The following PRMT8 variants were observed in gnomAD, a reference collection of about 807,000 sequenced individuals.
PRMT8 encodes the protein protein arginine methyltransferase 8, also known as protein arginine N-methyltransferase 8.
In PRMT8, 7 loss-of-function variants were observed where a neutral mutation model predicts 47.1. The observed-to-expected ratio is 0.15, with a 90% CI of 0.08 to 0.28. PRMT8 has a LOEUF of 0.28. PRMT8 is among the 10% of genes least tolerant of loss of function. PRMT8 has a pLI of 1.00. For synonymous variants in PRMT8, 188 were observed against 186.5 expected (o/e 1.01, Z -0.07); for missense variants, 237 against 505.4 (o/e 0.47, Z 5.09).
intron 6 of PRMT8, among the ~76,000 whole-genome samples, chr12:3,574,746 T>C (rs1866908267): frequency 6.6e-6 from 1 of 152,210 alleles, no homozygotes; most frequent in African/African-American, 2.4e-5. Context: ...GTGCCTAAGA[T>C]TACACAGCAA....
At chr12:3,490,717 GAGAA>G (rs1453121870), upstream of PRMT8, among the ~76,000 whole-genome samples, 3 of 131,640 alleles carry the variant, frequency 2.3e-5, no homozygotes, top group Non-Finnish European at 5.0e-5. Flanking sequence ...GAGAGAGAGA[GAGAA>G]AAGGATAAAG....
rs759745183 is a variant in PRMT8 at position 3,592,322 on chromosome 12, C to A, written c.1071C>A (p.Thr357=). 21 of 1,598,894 alleles carry A rather than the reference C, an allele frequency of 1.3e-5. No homozygotes were observed. The highest frequency in any genetic ancestry group is 1.8e-5 in the Non-Finnish European group (21 of 1,173,862). The change falls in exon 9 of 10, where the codon ACC becomes ACA. Residue 357 remains threonine (T), a synonymous_variant. Coordinates refer to ENST00000382622, the MANE Select transcript of PRMT8 (RefSeq NM_019854.5). ...TVRRGEEIYG[T]ISMKPNAKNV... ...GGAGGGGGGAGGAAATCTACGGGAC[C>A]ATATCCATGAAGCCAAATGCCAAAA... is the stretch of plus-strand genomic sequence containing the variant.
chr12:3,520,188 A>G (rs1325207244), intron 1 of PRMT8, among the ~76,000 whole-genome samples: 1 of 152,212 alleles, frequency 6.6e-6, no homozygotes, highest in Non-Finnish European at 1.5e-5. Context: ...TTGCTGGGTC[A>G]CCAGAAGGGG....
At chr12:3,528,148 G>A (rs1370178847) in intron 1 of PRMT8, among the ~76,000 whole-genome samples, 2 of 152,024 alleles carry the variant, frequency 1.3e-5, no homozygotes, top group East Asian at 1.9e-4. Context: ...ACTCCCTCAC[G>A]ATTCTTGTGT....
At chr12:3,534,647 A>G (rs1369839825) in intron 1 of PRMT8, among the ~76,000 whole-genome samples, 4 of 151,808 alleles carry the variant, frequency 2.6e-5, no homozygotes, top group South Asian at 4.2e-4. Flanking sequence ...GCCTGTGCCT[A>G]CCTCCACTGA....
chr12:3,461,826 C>G lies in PRMT8; in HGVS notation c.49-78780C>G, dbSNP rs190162617. Among the ~76,000 whole-genome samples the G allele has an allele frequency of 1.8e-4, 28 of 152,216 alleles. No individual in the cohort carries two copies. The East Asian group carries it at 5.4e-3, about 29-fold the overall frequency. On this transcript the variant is annotated intron_variant, in intron 1 of 9. Transcript: ENST00000452611. The stretch of plus-strand genomic sequence containing the variant: ...GACAACTGCCTGAAAGACTCTGTCC[C>G]AGATACCCTTGGCTGTGAGCTTCCT...
chr12:3,408,774 G>C (rs577290835), intron 1 of PRMT8, among the ~76,000 whole-genome samples: 1 of 152,316 alleles, frequency 6.6e-6, no homozygotes, highest in South Asian at 2.1e-4. Flanking sequence ...TGGGCAGGCT[G>C]TGGTGGCTCT....
chr12:3,507,118 CTTTTTTTTTTT>C (rs72188443), intron 1 of PRMT8, among the ~76,000 whole-genome samples: 1 of 122,572 alleles, frequency 8.2e-6, no homozygotes, highest in Admixed American at 8.2e-5. Context: ...GGTGGCCTTT[CTTTTTTTTTTT>C]TTTTTTTTTT....
At chr12:3,560,520 T>C (rs1030444045) in intron 4 of PRMT8, among the ~76,000 whole-genome samples, 1 of 152,206 alleles carries the variant, frequency 6.6e-6, no homozygotes, top group Non-Finnish European at 1.5e-5. Context: ...CCCCATCTGA[T>C]GAGGAAACCA....
intron 1 of PRMT8, among the ~76,000 whole-genome samples, chr12:3,415,667 G>A (rs1864476076): frequency 6.6e-6 from 1 of 152,216 alleles, no homozygotes; most frequent in African/African-American, 2.4e-5. Flanking sequence ...GAGACCCATA[G>A]AACAGTGGAG....
intron 1 of PRMT8, among the ~76,000 whole-genome samples, chr12:3,533,508 C>A (rs1270946710): frequency 6.6e-6 from 1 of 152,232 alleles, no homozygotes; most frequent in Non-Finnish European, 1.5e-5. Context: ...TGGCCCAAGA[C>A]CATTCTTCTT....
At chr12:3,412,813 C>A (rs548142937) in intron 1 of PRMT8, among the ~76,000 whole-genome samples, 54 of 152,262 alleles carry the variant, frequency 3.5e-4, no homozygotes, top group Non-Finnish European at 3.5e-4. Context: ...CAGGGTTTTA[C>A]CATATTGGCC....
chr12:3,554,130 G>A (rs544119308), intron 4 of PRMT8, among the ~76,000 whole-genome samples: 2 of 152,326 alleles, frequency 1.3e-5, no homozygotes, highest in South Asian at 4.1e-4. Context: ...CCCAGGCTGT[G>A]GTCCTCCACT....
intron 4 of PRMT8, among the ~76,000 whole-genome samples, chr12:3,568,332 C>T (rs12820591): frequency 3.9e-4 from 55 of 141,422 alleles, no homozygotes; most frequent in Admixed American, 7.8e-4. Flanking sequence ...GGGAGGCAGG[C>T]ACACTTGGTG....
At chr12:3,585,618 G>A (rs573995806) in intron 8 of PRMT8, among the ~76,000 whole-genome samples, 1 of 151,646 alleles carries the variant, frequency 6.6e-6, no homozygotes, top group East Asian at 1.9e-4. Context: ...GGAAAGAGAG[G>A]GCAAGAGACA....
chr12:3,530,241 C>T (rs1565432317), intron 1 of PRMT8, among the ~76,000 whole-genome samples: 1 of 152,152 alleles, frequency 6.6e-6, no homozygotes, highest in East Asian at 1.9e-4. Context: ...GGGAAAGGGC[C>T]TCCTTCACTC....
At chr12:3,486,073 C>T (rs1182766093) in intron 1 of PRMT8, among the ~76,000 whole-genome samples, 1 of 152,140 alleles carries the variant, frequency 6.6e-6, no homozygotes, top group Admixed American at 6.5e-5. Flanking sequence ...GTAAATAGTG[C>T]ATTTGGAGAG....
At chr12:3,498,948 T>A (rs1402093333) in intron 1 of PRMT8, among the ~76,000 whole-genome samples, 1 of 152,118 alleles carries the variant, frequency 6.6e-6, no homozygotes, top group African/African-American at 2.4e-5. Flanking sequence ...TTCCTTGCCT[T>A]TCTTCTGGTT....
chr12:3,552,949 C>T lies in PRMT8; in HGVS notation c.418-702C>T, dbSNP rs1866451129. 2.9e-6 allele frequency: 1 copy of T among 344,988 alleles called. No individual in the cohort carries two copies. The highest frequency in any genetic ancestry group is 3.7e-5 in the Admixed American group (1 of 26,796). The allele number at this position is 344,988 out of a possible 1,614,324, so 21.4% of individuals were successfully genotyped here. A position where few individuals can be genotyped will look rare whatever the true frequency, so the allele number is the denominator to read the frequency against. ...ATGTCCAGAACCCCTGGCAGTGTGC[C>T]TGAGACGCTAACCCTGGGCTGGAGC... On this transcript the variant is annotated intron_variant, in intron 3 of 9. Coordinates refer to ENST00000382622, the MANE Select transcript of PRMT8 (RefSeq NM_019854.5). The surrounding 1 kb of genome is among the most constrained non-coding windows in gnomAD (Gnocchi z 4.5).
Sources: allele counts gnomAD v4.1 joint callset (sites outside exome capture counted in the v4.1 genomes callset), GRCh38; gene constraint gnomAD v4.1.1; non-coding constraint Gnocchi (gnomAD v3.1); transcripts MANE v1.5; gene names NCBI Gene and HGNC (gene_info 2026-07-23, HGNC 2026-07-21).